LRRTM4: variants seen among roughly 807,000 people sequenced by gnomAD.
LRRTM4 encodes the protein leucine rich repeat transmembrane neuronal 4, also known as leucine-rich repeat transmembrane neuronal protein 4.
LRRTM4 carries 25 observed loss-of-function variants against 47.6 expected under a neutral mutation model. The observed-to-expected ratio is 0.53, with a 90% confidence interval of 0.38 to 0.73. The LOEUF (loss-of-function observed/expected upper bound fraction) is 0.73, where lower values mean the gene tolerates loss of function less well. Ranked by LOEUF, LRRTM4 falls within the 30% of genes least tolerant of loss-of-function variation. The pLI, the probability that LRRTM4 is intolerant of heterozygous loss-of-function variation, is 0.00. For synonymous variants in LRRTM4, 311 were observed against 269.5 expected, an observed-to-expected ratio of 1.15 and a Z score of -1.51; for missense variants, 638 against 713.4, an observed-to-expected ratio of 0.89 and a Z score of 1.20.
chr2:76,998,762 A>ATTTTCTGTTTTTTTTTT (rs1677299147), intron 3 of LRRTM4, among the ~76,000 whole-genome samples: 1 of 140,416 alleles, frequency 7.1e-6, no homozygotes, highest in African/African-American at 2.7e-5. Context: ...TTTCCTCTAT[A>ATTTTCTGTTTTTTTTTT]TTTTCTGTTT....
chr2:77,458,321 T>G (rs1676644138), intron 3 of LRRTM4, among the ~76,000 whole-genome samples: 1 of 152,148 alleles, frequency 6.6e-6, no homozygotes, highest in Non-Finnish European at 1.5e-5. Context: ...AGAGACATAG[T>G]GTTTCACCTT....
chr2:76,889,762 T>C (rs1673191294), intron 3 of LRRTM4, among the ~76,000 whole-genome samples: 1 of 151,928 alleles, frequency 6.6e-6, no homozygotes, highest in Non-Finnish European at 1.5e-5. Context: ...TGCTTTTCTC[T>C]TCTTTTGTAG....
intron 3 of LRRTM4, among the ~76,000 whole-genome samples, chr2:76,881,555 G>A (rs551851765): frequency 2.1e-4 from 30 of 143,478 alleles, no homozygotes; most frequent in African/African-American, 7.2e-4. Context: ...CTGAATTTAT[G>A]TTAATGTGAT....
intron 3 of LRRTM4, among the ~76,000 whole-genome samples, chr2:77,450,285 GCACACA>G (rs138889433): frequency 5.6e-5 from 8 of 144,010 alleles, no homozygotes; most frequent in Middle Eastern, 3.7e-3. Flanking sequence ...TCTCTGTCAT[GCACACA>G]CACACACACA....
chr2:76,801,173 A>G (rs1675656738), intron 3 of LRRTM4, among the ~76,000 whole-genome samples: 1 of 152,178 alleles, frequency 6.6e-6, no homozygotes, highest in South Asian at 2.1e-4. Context: ...GTATATACCC[A>G]AATGCCTATA....
At chr2:77,350,022 C>G (rs189610717) in intron 3 of LRRTM4, among the ~76,000 whole-genome samples, 1 of 151,878 alleles carries the variant, frequency 6.6e-6, no homozygotes, top group Admixed American at 6.6e-5. Flanking sequence ...ATTTTTATCA[C>G]GAAGAAATTG....
chr2:77,372,803 G>A (rs897839272), intron 3 of LRRTM4, among the ~76,000 whole-genome samples: 2 of 151,450 alleles, frequency 1.3e-5, no homozygotes, highest in African/African-American at 4.8e-5. Flanking sequence ...TTTTGGGGTA[G>A]GGATGAGAAA....
intron 3 of LRRTM4, among the ~76,000 whole-genome samples, chr2:77,332,350 G>C (rs73941211): frequency 0.074 from 11,319 of 152,186 alleles, 687 homozygotes; most frequent in East Asian, 0.17. Flanking sequence ...ACAGAAATCA[G>C]GAGCTACATA....
intron 3 of LRRTM4, among the ~76,000 whole-genome samples, chr2:77,053,505 CTACATT>C (rs1412076990): frequency 6.6e-6 from 1 of 152,070 alleles, no homozygotes; most frequent in Non-Finnish European, 1.5e-5. Context: ...TTTTAAAAGA[CTACATT>C]TAAAGTTTGC....
intron 3 of LRRTM4, among the ~76,000 whole-genome samples, chr2:77,378,713 G>A (rs188014202): frequency 6.6e-6 from 1 of 152,214 alleles, no homozygotes; most frequent in African/African-American, 2.4e-5. Flanking sequence ...GGGTACACAT[G>A]GGGGGCTGTG....
chr2:77,504,048 T>C (rs565116168), intron 3 of LRRTM4, among the ~76,000 whole-genome samples: 5 of 151,538 alleles, frequency 3.3e-5, no homozygotes, highest in African/African-American at 4.8e-5. Flanking sequence ...GGAAGTATAA[T>C]ACAGAGCAGT....
chr2:77,221,413 A>G (rs1284508095), intron 3 of LRRTM4, among the ~76,000 whole-genome samples: 1 of 152,208 alleles, frequency 6.6e-6, no homozygotes, highest in Non-Finnish European at 1.5e-5. Flanking sequence ...AGACTGGCAA[A>G]TTGGATAAAG....
chr2:76,962,880 C>A (rs915886718), intron 3 of LRRTM4, among the ~76,000 whole-genome samples: 1 of 150,468 alleles, frequency 6.6e-6, no homozygotes, highest in Non-Finnish European at 1.5e-5. Context: ...TTTTTAAATG[C>A]CACCGTGACT....
At chr2:76,910,657 CT>C (rs1408765761) in intron 3 of LRRTM4, among the ~76,000 whole-genome samples, 1 of 152,120 alleles carries the variant, frequency 6.6e-6, no homozygotes, top group Admixed American at 6.5e-5. Context: ...TAAATAATAA[CT>C]TTGTGGCTTT....
intron 3 of LRRTM4, among the ~76,000 whole-genome samples, chr2:77,358,833 T>C (rs187825286): frequency 2.6e-4 from 40 of 152,278 alleles, no homozygotes; most frequent in African/African-American, 7.5e-4. Context: ...TAGTACATAC[T>C]TTATATTAGG....
At chr2:77,368,740 A>T (rs1413746023) in intron 3 of LRRTM4, among the ~76,000 whole-genome samples, 2 of 151,812 alleles carry the variant, frequency 1.3e-5, no homozygotes, top group African/African-American at 4.8e-5. Context: ...AAACGAAAGG[A>T]AAGGAATAGA....
chr2:76,893,393 C>A (rs1673314534), intron 3 of LRRTM4, among the ~76,000 whole-genome samples: 1 of 151,488 alleles, frequency 6.6e-6, no homozygotes, highest in African/African-American at 2.4e-5. Flanking sequence ...CTAATAATCT[C>A]TGATAACTTC....
intron 3 of LRRTM4, among the ~76,000 whole-genome samples, chr2:77,219,060 C>A (rs1015596746): frequency 1.3e-5 from 2 of 152,136 alleles, no homozygotes; most frequent in African/African-American, 2.4e-5. Context: ...CTACAAAATT[C>A]TTTCTTGATA....
chr2:76,926,067 A>G (rs558475946), intron 3 of LRRTM4, among the ~76,000 whole-genome samples: 1 of 152,134 alleles, frequency 6.6e-6, no homozygotes, highest in Admixed American at 6.6e-5. Flanking sequence ...CTGACAATTC[A>G]TTTAGGAGTT....
Sources: allele counts gnomAD v4.1 joint callset (sites outside exome capture counted in the v4.1 genomes callset), GRCh38; gene constraint gnomAD v4.1.1; transcripts MANE v1.5; gene names NCBI Gene and HGNC (gene_info 2026-07-23, HGNC 2026-07-21).